Variants in RAB3C observed in about 807,000 individuals in gnomAD.
RAB3C encodes ras-related protein Rab-3C.
In RAB3C, 17 loss-of-function variants were observed where a neutral mutation model predicts 26.4. The observed-to-expected ratio is 0.64, with a 90% CI of 0.44 to 0.97. The LOEUF (loss-of-function observed/expected upper bound fraction) is 0.97. RAB3C is among the 50% of genes least tolerant of loss of function. The pLI, the probability that RAB3C is intolerant of heterozygous loss-of-function variation, is 0.00. For synonymous variants in RAB3C, 91 were observed against 95.9 expected, an observed-to-expected ratio of 0.95 and a Z score of 0.30; for missense variants, 242 against 281.9, an observed-to-expected ratio of 0.86 and a Z score of 1.01.
chr5:58,811,228 T>A lies in RAB3C; in HGVS notation c.372-13810T>A, dbSNP rs147972901. Among the ~76,000 whole-genome samples, 234 of 152,312 alleles carry A rather than the reference T, an allele frequency of 1.5e-3. 2 individuals carry two copies. Among genetic ancestry groups the A allele is most frequent in the African/African-American group, 5.5e-3 (228 of 41,570 alleles). ...TACAACCAAGGGCAAATGGCAACTG[T>A]GGAGCTTGGCCTTTTCTCATTTCTT... is the stretch of plus-strand genomic sequence containing the variant. On this transcript the variant is annotated intron_variant, in intron 3 of 4. Transcript: ENST00000282878.
intron 4 of RAB3C, among the ~76,000 whole-genome samples, chr5:58,841,661 TTATAAGGACTGTAGGTGTTTGTGG>T (rs1331784570): frequency 6.6e-6 from 1 of 152,178 alleles, no homozygotes; most frequent in African/African-American, 2.4e-5. Context: ...GATTCTCCTC[TTATAAGGACTGTAGGTGTTTGTGG>T]TGGCAGTGGG....
intron 3 of RAB3C, chr5:58,822,738 T>C: frequency 2.0e-6 from 1 of 502,282 alleles, no homozygotes; most frequent in Non-Finnish European, 3.8e-6. Context: ...GCGCAGCATA[T>C]GTACATGGTA....
intron 2 of RAB3C, among the ~76,000 whole-genome samples, chr5:58,715,859 A>C (rs914984707): frequency 4.0e-5 from 6 of 150,232 alleles, no homozygotes; most frequent in Non-Finnish European, 8.8e-5. Flanking sequence ...AAGAAAACTT[A>C]GAGAGACTAA....
intron 3 of RAB3C, among the ~76,000 whole-genome samples, chr5:58,726,549 C>A (rs1396873012): frequency 6.6e-6 from 1 of 151,896 alleles, no homozygotes; most frequent in Non-Finnish European, 1.5e-5. Flanking sequence ...TTGTCTTTGA[C>A]TGCCTTAACA....
intron 4 of RAB3C, among the ~76,000 whole-genome samples, chr5:58,842,599 T>C (rs987201449): frequency 2.6e-5 from 4 of 152,224 alleles, no homozygotes; most frequent in Non-Finnish European, 5.9e-5. Flanking sequence ...TTGGCTTTAT[T>C]TGACAAGGAA....
intron 1 of RAB3C, among the ~76,000 whole-genome samples, chr5:58,596,785 A>C (rs1370761617): frequency 2.9e-5 from 3 of 103,704 alleles, no homozygotes; most frequent in Non-Finnish European, 5.1e-5. Context: ...AATACATAAT[A>C]TATTATATAT....
chr5:58,751,056 G>A (rs538225576), intron 3 of RAB3C, among the ~76,000 whole-genome samples: 3 of 152,204 alleles, frequency 2.0e-5, no homozygotes, highest in South Asian at 2.1e-4. Flanking sequence ...GTTTCACCAC[G>A]TTGGCCAGGC....
intron 3 of RAB3C, among the ~76,000 whole-genome samples, chr5:58,767,353 C>T (rs879902905): frequency 6.6e-6 from 1 of 152,126 alleles, no homozygotes; most frequent in Non-Finnish European, 1.5e-5. Flanking sequence ...GCATTTCTGG[C>T]AGCCACCCAG....
At chr5:58,754,597 ACC>A (rs1437954701) in intron 3 of RAB3C, among the ~76,000 whole-genome samples, 1 of 152,146 alleles carries the variant, frequency 6.6e-6, no homozygotes, top group Non-Finnish European at 1.5e-5. Context: ...TTACCCAGTT[ACC>A]CAGTTACCGC....
At chr5:58,629,262 T>C (rs931503681) in intron 2 of RAB3C, among the ~76,000 whole-genome samples, 1 of 152,106 alleles carries the variant, frequency 6.6e-6, no homozygotes, top group Non-Finnish European at 1.5e-5. Context: ...CCCAAATATC[T>C]GGGATTCAGT....
chr5:58,779,578 G>A lies in RAB3C; in HGVS notation c.372-45460G>A, dbSNP rs1579914389. On this transcript the variant is annotated intron_variant, in intron 3 of 4. Coordinates refer to ENST00000282878, the MANE Select transcript of RAB3C (RefSeq NM_138453.4). ...TTTTTAAAATTTCGTTGTAGAGATGGGGCCTTATCATGTTGCCTAGGCTGG... is the reference window on the plus strand; with the variant it reads ...TTTTTAAAATTTCGTTGTAGAGATGAGGCCTTATCATGTTGCCTAGGCTGG... Among the ~76,000 whole-genome samples, 3 of 151,894 alleles carry A rather than the reference G, an allele frequency of 2.0e-5. No homozygotes were observed. In the South Asian group the frequency reaches 6.2e-4, roughly 32 times the overall value.
At chr5:58,619,521 C>T (rs780464547) in intron 2 of RAB3C, among the ~76,000 whole-genome samples, 3 of 152,188 alleles carry the variant, frequency 2.0e-5, no homozygotes. Context: ...GGAAACGATA[C>T]ATCCCTTAAC....
intron 3 of RAB3C, among the ~76,000 whole-genome samples, chr5:58,768,447 G>A (rs889020673): frequency 6.6e-6 from 1 of 151,910 alleles, no homozygotes; most frequent in African/African-American, 2.4e-5. Flanking sequence ...GGTGTAGCTG[G>A]GAGGCAGACA....
At chr5:58,842,007 A>G (rs1446259716) in intron 4 of RAB3C, among the ~76,000 whole-genome samples, 1 of 152,168 alleles carries the variant, frequency 6.6e-6, no homozygotes, top group Non-Finnish European at 1.5e-5. Flanking sequence ...AATGCTCTTT[A>G]TTGGGATACA....
At position 58,765,949 on chromosome 5, in the gene RAB3C, C is replaced by T. The variant is rs569249674; in HGVS notation, c.371+39829C>T. ...AAAGTGTGTAGCACCTCCCCCTGCC[C>T]ACTCTTCTTCCTCCTGCTCCGGCCA... On this transcript the variant is annotated intron_variant, in intron 3 of 4. Transcript: ENST00000282878. Among the ~76,000 whole-genome samples the T allele has an allele frequency of 2.0e-5, 3 of 152,192 alleles. 1 individual carries two copies. In the South Asian group the frequency reaches 6.2e-4, roughly 32 times the overall value.
At chr5:58,609,569 T>G (rs1337963630) in intron 1 of RAB3C, among the ~76,000 whole-genome samples, 1 of 152,166 alleles carries the variant, frequency 6.6e-6, no homozygotes, top group Non-Finnish European at 1.5e-5. Context: ...AGCTGAGGGT[T>G]ATTCACCTCT....
At chr5:58,694,032 A>G (rs1179743047) in intron 2 of RAB3C, among the ~76,000 whole-genome samples, 1 of 152,154 alleles carries the variant, frequency 6.6e-6, no homozygotes, top group Non-Finnish European at 1.5e-5. Flanking sequence ...TGCAGCACCC[A>G]TTAACTCATT....
At chr5:58,764,683 T>C (rs970873391) in intron 3 of RAB3C, among the ~76,000 whole-genome samples, 2 of 152,104 alleles carry the variant, frequency 1.3e-5, no homozygotes, top group Non-Finnish European at 1.5e-5. Flanking sequence ...CACTATAAAA[T>C]AGCAGTTCTA....
chr5:58,810,374 T>TCTCG (rs1554020142), intron 3 of RAB3C, among the ~76,000 whole-genome samples: 11 of 146,378 alleles, frequency 7.5e-5, no homozygotes, highest in Non-Finnish European at 1.1e-4. Flanking sequence ...GCTCTCTCTC[T>TCTCG]CTCTCTCTCT....
Sources: allele counts gnomAD v4.1 joint callset (sites outside exome capture counted in the v4.1 genomes callset), GRCh38; gene constraint gnomAD v4.1.1; transcripts MANE v1.5; gene names NCBI Gene and HGNC (gene_info 2026-07-23, HGNC 2026-07-21).